GALNT14: variants seen among roughly 807,000 people sequenced by gnomAD.
The protein encoded by GALNT14 is UDP-GalNAc:polypeptide N-acetylgalactosaminyltransferase 14.
A neutral mutation model predicts 77.5 loss-of-function variants in GALNT14; 60 were observed. That is an observed-to-expected ratio of 0.77 (90% confidence interval 0.63 to 0.96). The LOEUF (loss-of-function observed/expected upper bound fraction) is 0.96. Among genes scored for constraint, GALNT14 ranks in the 40% least tolerant of loss-of-function variants. GALNT14 has a pLI of 0.00. For missense variants in GALNT14, 710 were observed against 731.0 expected (o/e 0.97, Z 0.33); for synonymous variants, 280 against 281.7 (o/e 0.99, Z 0.06).
At chr2:30,942,439 A>C in intron 8 of GALNT14, 135 bp from the exon 9 acceptor site, 1 of 632,264 alleles carries the variant, frequency 1.6e-6, no homozygotes, top group Non-Finnish European at 2.8e-6. Context: ...GAAAACTCTC[A>C]TTTTCTTCCC....
chr2:30,960,008 T>G (rs1051186305), intron 3 of GALNT14, among the ~76,000 whole-genome samples: 2 of 152,210 alleles, frequency 1.3e-5, no homozygotes, highest in African/African-American at 4.8e-5. Context: ...CTATGCAGGA[T>G]GCAGACTCTA....
intron 1 of GALNT14, among the ~76,000 whole-genome samples, chr2:31,089,803 G>A (rs964082409): frequency 2.0e-5 from 3 of 152,114 alleles, no homozygotes; most frequent in East Asian, 1.9e-4. Flanking sequence ...AGCAGCTGGC[G>A]TGCTAGTTCC....
At chr2:31,032,575 A>G (rs948327424) in intron 1 of GALNT14, among the ~76,000 whole-genome samples, 1 of 152,182 alleles carries the variant, frequency 6.6e-6, no homozygotes, top group Non-Finnish European at 1.5e-5. Flanking sequence ...CTGTGAAATG[A>G]CTGAGCAGCC....
intron 1 of GALNT14, among the ~76,000 whole-genome samples, chr2:31,119,263 T>C (rs1025962339): frequency 9.9e-5 from 15 of 152,120 alleles, no homozygotes; most frequent in Non-Finnish European, 7.4e-5. Context: ...ATATATACCA[T>C]AAAGTCAACA....
At chr2:31,051,921 C>T (rs144439555) in intron 1 of GALNT14, among the ~76,000 whole-genome samples, 250 of 152,288 alleles carry the variant, frequency 1.6e-3, no homozygotes, top group African/African-American at 5.7e-3. Flanking sequence ...CCCTCCCCTC[C>T]GCCCACCCAA....
At chr2:30,898,813 C>T in the GALNT14 span, among the ~76,000 whole-genome samples, 1 of 152,074 alleles carries the variant, frequency 6.6e-6, no homozygotes, top group Non-Finnish European at 1.5e-5. Flanking sequence ...GAAGGGGAAT[C>T]GAGAGGCAAC....
chr2:31,071,499 C>A (rs752361985), intron 1 of GALNT14, among the ~76,000 whole-genome samples: 2 of 152,180 alleles, frequency 1.3e-5, no homozygotes, highest in African/African-American at 2.4e-5. Flanking sequence ...CCAACTGTCC[C>A]AGCCCCTTTC....
intron 4 of GALNT14, among the ~76,000 whole-genome samples, chr2:30,957,631 T>A (rs1258432509): frequency 6.6e-6 from 1 of 152,152 alleles, no homozygotes; most frequent in Non-Finnish European, 1.5e-5. Context: ...GGGTAGGGGT[T>A]TCCAGCCTTC....
At position 30,929,504 on chromosome 2, in the gene GALNT14, T is replaced by G; in HGVS notation, c.1059-17A>C. On this transcript the variant is annotated splice_polypyrimidine_tract_variant and intron_variant, in intron 10 of 14. Coordinates refer to ENST00000349752, the MANE Select transcript of GALNT14 (RefSeq NM_024572.4). ...TTGGTGTTCCTGGGAAAACAAGGAG[T>G]GACAAGGGGTGTCAGTAAGGGGCTG... The G allele has an allele frequency of 3.1e-6, 5 of 1,596,050 alleles. No individual in the cohort carries two copies. Among genetic ancestry groups the G allele is most frequent in the Non-Finnish European group, 4.3e-6 (5 of 1,164,310 alleles).
intron 1 of GALNT14, among the ~76,000 whole-genome samples, chr2:31,087,806 G>A (rs531812994): frequency 6.6e-5 from 10 of 152,298 alleles, no homozygotes; most frequent in South Asian, 2.1e-4. Context: ...CTCCAAATCC[G>A]TATTTTGAAA....
chr2:31,044,064 G>A (rs1007753518), intron 1 of GALNT14, among the ~76,000 whole-genome samples: 34 of 152,282 alleles, frequency 2.2e-4, no homozygotes, highest in African/African-American at 5.8e-4. Context: ...AAGGACTAGC[G>A]ACATATTTTT....
intron 2 of GALNT14, among the ~76,000 whole-genome samples, chr2:30,973,566 T>C (rs1485056180): frequency 1.3e-5 from 2 of 152,172 alleles, no homozygotes; most frequent in Non-Finnish European, 2.9e-5. Flanking sequence ...AAATATAAAA[T>C]GCCGAATCTG....
At chr2:31,078,974 G>C (rs774606853) in intron 1 of GALNT14, 70 of 1,289,112 alleles carry the variant, frequency 5.4e-5, no homozygotes, top group Non-Finnish European at 6.8e-5. Context: ...TCCATGCCTG[G>C]GAGGGAGAGC....
At chr2:31,130,783 T>TGTGCGCGC (rs1181788023) in intron 1 of GALNT14, among the ~76,000 whole-genome samples, 133 of 118,632 alleles carry the variant, frequency 1.1e-3, no homozygotes, top group African/African-American at 4.7e-3. Flanking sequence ...TGTGTGTGTG[T>TGTGCGCGC]GCGCGCGCAC....
rs185221187 is a variant in GALNT14 at position 30,941,533 on chromosome 2, G to A, written c.931+668C>T. ...AATGAGTATTAAGTATCACTAGCTA[G>A]ATGGAATGGGTCTTTCTGACTGTGC... is the stretch of plus-strand genomic sequence containing the variant. On this transcript the variant is annotated intron_variant, in intron 9 of 14. Transcript: ENST00000349752. 7.2e-5 allele frequency among the ~76,000 whole-genome samples: 11 copies of A among 152,306 alleles called. 1 individual carries two copies. The East Asian group carries it at 2.1e-3, about 29-fold the overall frequency.
chr2:31,000,272 C>T (rs1386332708), intron 1 of GALNT14, among the ~76,000 whole-genome samples: 6 of 152,178 alleles, frequency 3.9e-5, no homozygotes, highest in African/African-American at 1.4e-4. Flanking sequence ...GGCAATTCCA[C>T]GTTGTCCAAC....
chr2:31,075,490 G>A (rs547058047), intron 1 of GALNT14, among the ~76,000 whole-genome samples: 244 of 152,282 alleles, frequency 1.6e-3, no homozygotes, highest in African/African-American at 5.4e-3. Flanking sequence ...CCTGGAGATC[G>A]GCTTGAAAAG....
In GALNT14 at chr2:30,910,955, G is replaced by A. The variant is rs748627210; in HGVS notation, c.1605C>T (p.Val535=). The A allele has an allele frequency of 1.9e-5, 30 of 1,613,784 alleles. No homozygotes were observed. Among genetic ancestry groups the A allele is most frequent in the Non-Finnish European group, 2.3e-5 (27 of 1,179,982 alleles). The change falls in exon 15 of 15, where the codon GTC becomes GTT. Residue 535 remains valine (V), a synonymous_variant. Coordinates refer to ENST00000349752, the MANE Select transcript of GALNT14 (RefSeq NM_024572.4). The part of the protein sequence containing the change: ...DGTENGKEIV[V]NPCESSLMSQ... ...TCATGAGTGAGGACTCACATGGGTT[G>A]ACGACGATTTCCTTGCCGTTCTCGG... is the stretch of plus-strand genomic sequence containing the variant.
intron 9 of GALNT14, among the ~76,000 whole-genome samples, chr2:30,937,710 G>A (rs1666138544): frequency 6.6e-6 from 1 of 152,174 alleles, no homozygotes; most frequent in African/African-American, 2.4e-5. Context: ...ACTCAGAAAA[G>A]CCAGGATAAT....
Sources: gnomAD v4.1 joint callset for allele counts (sites outside exome capture counted in the v4.1 genomes callset) on GRCh38, gnomAD v4.1.1 for gene constraint, MANE v1.5 for transcripts, NCBI Gene and HGNC (gene_info 2026-07-23, HGNC 2026-07-21) for gene names.